SWT1: variants seen among roughly 807,000 people sequenced by gnomAD.
SWT1 encodes the protein transcriptional protein SWT1.
In SWT1, 33 loss-of-function variants were observed where a neutral mutation model predicts 107.3. That is an observed-to-expected ratio of 0.31 (90% CI 0.23 to 0.41). The LOEUF (loss-of-function observed/expected upper bound fraction) is 0.41, where lower values mean the gene tolerates loss of function less well. Ranked by LOEUF, SWT1 falls within the 10% of genes least tolerant of loss-of-function variation. SWT1 has a pLI of 1.00. For missense variants in SWT1, 898 were observed against 1,028.9 expected (o/e 0.87, Z 1.74); for synonymous variants, 345 against 348.3 (o/e 0.99, Z 0.11).
intron 16 of SWT1, among the ~76,000 whole-genome samples, chr1:185,253,823 G>A (rs1662252432): frequency 1.3e-5 from 2 of 151,472 alleles, no homozygotes; most frequent in Non-Finnish European, 2.9e-5. Context: ...ATGTTGAATA[G>A]GAGTGGTGAG....
At chr1:185,276,096 T>G (rs1664221004) in intron 17 of SWT1, among the ~76,000 whole-genome samples, 1 of 152,174 alleles carries the variant, frequency 6.6e-6, no homozygotes. Flanking sequence ...AGTTTCAAGA[T>G]TCCTTCACTG....
At chr1:185,257,430 G>A (rs892538238) in intron 16 of SWT1, among the ~76,000 whole-genome samples, 13 of 152,074 alleles carry the variant, frequency 8.5e-5, no homozygotes, top group Admixed American at 5.9e-4. Context: ...AGCAATCAGC[G>A]AGACTCCGTG....
At chr1:185,264,980 G>A (rs1663271189) in intron 16 of SWT1, among the ~76,000 whole-genome samples, 2 of 151,986 alleles carry the variant, frequency 1.3e-5, no homozygotes, top group Admixed American at 1.3e-4. Flanking sequence ...CTCTAGAATT[G>A]CTTTAAGTTA....
chr1:185,276,176 T>G (rs1664226324), intron 17 of SWT1, among the ~76,000 whole-genome samples: 1 of 152,150 alleles, frequency 6.6e-6, no homozygotes, highest in South Asian at 2.1e-4. Flanking sequence ...GTATTATAAA[T>G]TATATCTCTG....
intron 10 of SWT1, among the ~76,000 whole-genome samples, chr1:185,194,336 C>T (rs2102420004): frequency 6.6e-6 from 1 of 151,856 alleles, no homozygotes; most frequent in East Asian, 1.9e-4. Context: ...TGTTTTGTTC[C>T]ATCTGTGCTT....
intron 12 of SWT1, among the ~76,000 whole-genome samples, chr1:185,206,315 A>T (rs1283655643): frequency 6.6e-6 from 1 of 152,190 alleles, no homozygotes; most frequent in Admixed American, 6.6e-5. Flanking sequence ...TCTTATAGCG[A>T]TGACTGCGTT....
At chr1:185,212,695 C>T (rs974145533) in intron 13 of SWT1, among the ~76,000 whole-genome samples, 6 of 150,956 alleles carry the variant, frequency 4.0e-5, no homozygotes, top group East Asian at 2.0e-4. Context: ...CCCAGCTACT[C>T]GGGAGGCTGA....
At chr1:185,264,092 GTAGGGCA>G (rs1663215968) in intron 16 of SWT1, 1 of 152,374 alleles carries the variant, frequency 6.6e-6, no homozygotes, top group Non-Finnish European at 1.5e-5. Context: ...TAGCCAGTGG[GTAGGGCA>G]TAGTCCCTGT....
At chr1:185,214,720 A>G (rs1659081907) in intron 14 of SWT1, 65 bp downstream of exon 14, 11 of 1,302,250 alleles carry the variant, frequency 8.4e-6, no homozygotes, top group Non-Finnish European at 1.2e-5. Flanking sequence ...TGTGTTTAGC[A>G]GACAACAGTA....
At position 185,214,424 on chromosome 1, in the gene SWT1, A is replaced by G. The variant is rs796591625; in HGVS notation, c.1973-83A>G. On this transcript the variant is annotated intron_variant, in intron 13 of 18. Coordinates refer to ENST00000367500, the MANE Select transcript of SWT1 (RefSeq NM_017673.7). ...AAATGTATACTCTTTTTAAATTTCA[A>G]AATTAATATTAGTGTTCCAAAGACA... The G allele has an allele frequency of 1.2e-5, 13 of 1,096,928 alleles. No individual in the cohort carries two copies. In the African/African-American group the frequency reaches 2.1e-4, roughly 18 times the overall value. The allele number at this position is 1,096,928 out of a possible 1,614,324, so 67.9% of individuals were successfully genotyped here. A position where few individuals can be genotyped will look rare whatever the true frequency, so the allele number is the denominator to read the frequency against.
chr1:185,263,556 T>C (rs936836702), intron 16 of SWT1: 5 of 152,262 alleles, frequency 3.3e-5, no homozygotes, highest in African/African-American at 1.2e-4. Context: ...AAGAATATGC[T>C]GTTTTGTAGA....
rs533074051 is a variant in SWT1, at chr1:185,193,751, C to T, written c.1523+3109C>T. ...AAGTGCTGGGATTACAGGCATGAGC[C>T]ACCTTGCCAAGGCTGGTTGCCTACT... On this transcript the variant is annotated intron_variant, in intron 10 of 18. Coordinates refer to ENST00000367500, the MANE Select transcript of SWT1 (RefSeq NM_017673.7). 1.3e-3 allele frequency among the ~76,000 whole-genome samples: 193 copies of T among 152,328 alleles called. 2 individuals are homozygous for T. The highest frequency in any genetic ancestry group is 2.1e-3 in the Non-Finnish European group (140 of 68,034).
intron 16 of SWT1, among the ~76,000 whole-genome samples, chr1:185,265,230 T>C (rs1663288410): frequency 6.6e-6 from 1 of 152,278 alleles, no homozygotes; most frequent in South Asian, 2.1e-4. Flanking sequence ...GAACATAAAA[T>C]TTTAGCAATT....
chr1:185,233,352 T>A (rs1398919619), intron 16 of SWT1, among the ~76,000 whole-genome samples: 1 of 152,224 alleles, frequency 6.6e-6, no homozygotes, highest in Non-Finnish European at 1.5e-5. Flanking sequence ...GCTTTTGAAT[T>A]TGTTTGCTCT....
intron 15 of SWT1, among the ~76,000 whole-genome samples, chr1:185,225,950 A>C (rs550041253): frequency 6.6e-6 from 1 of 152,342 alleles, no homozygotes; most frequent in Admixed American, 6.5e-5. Flanking sequence ...AATAACAATA[A>C]ATGGCATGAG....
intron 16 of SWT1, among the ~76,000 whole-genome samples, chr1:185,232,436 A>G (rs1266884710): frequency 1.3e-5 from 2 of 152,230 alleles, no homozygotes; most frequent in East Asian, 1.9e-4. Context: ...AACACCTGCT[A>G]TACTTGGTAT....
Position 185,174,766 on chromosome 1 carries a change from A to G in SWT1, c.619A>G (p.Lys207Glu), listed in dbSNP as rs1655393352. ...TGAAAAATGTGTCTTAGAGAAATGG[A>G]AGAGAAATCAATTTTCTCAGGATTA... The part of the protein sequence containing the change: ...NSEKCVLEKW[K>E]RNQFSQDYNS... Residue 207 changes from lysine (K) to glutamate (E), a missense_variant, in exon 5 of 19, where the codon AAG becomes GAG. Around this residue, in one of 6 missense-constraint regions of SWT1, gnomAD observed 382 missense variants for 362.4 expected, o/e 1.05. Transcript: ENST00000367500. The G allele has an allele frequency of 5.6e-6, 9 of 1,610,842 alleles. No individual in the cohort carries two copies. The highest frequency in any genetic ancestry group is 7.6e-6 in the Non-Finnish European group (9 of 1,179,314).
chr1:185,183,373 C>T (rs902049129), intron 7 of SWT1, among the ~76,000 whole-genome samples: 2 of 152,016 alleles, frequency 1.3e-5, no homozygotes, highest in African/African-American at 2.4e-5. Context: ...TCACTGCAAC[C>T]TGTGCCTCCC....
chr1:185,204,852 CT>C lies in SWT1; in HGVS notation c.1825del (p.Trp609GlyfsTer7). 6.4e-7 allele frequency: 1 copy of C among 1,569,782 alleles called. No individual in the cohort carries two copies. Among genetic ancestry groups the C allele is most frequent in the South Asian group, 1.2e-5 (1 of 83,134 alleles). ...AGAAATGAAAATTGCTTTTGGAAAC[CT>C]TTGGATGGAGGTGATTAGTTGAACT... ...ETEMKIAFGNLWMEILYLKPP... is the reference protein window; with the variant it reads ...ETEMKIAFGNXWMEILYLKPP... On this transcript the variant is annotated frameshift_variant, in exon 12 of 19. Transcript: ENST00000367500. LOFTEE classifies it high-confidence loss of function.
Sources: allele counts gnomAD v4.1 joint callset (sites outside exome capture counted in the v4.1 genomes callset), GRCh38; gene constraint gnomAD v4.1.1; regional missense constraint gnomAD v4.1.1; transcripts MANE v1.5; gene names NCBI Gene and HGNC (gene_info 2026-07-23, HGNC 2026-07-21).